Variants in TIAM2 observed in about 807,000 individuals in gnomAD.
TIAM2 encodes the protein TIAM Rac1 associated GEF 2.
TIAM2 carries 80 observed loss-of-function variants against 152.9 expected under a neutral mutation model. The observed-to-expected ratio is 0.52, with a 90% CI of 0.44 to 0.63. TIAM2 has a LOEUF of 0.63. Among genes scored for constraint, TIAM2 ranks in the 30% least tolerant of loss-of-function variants. TIAM2 has a pLI of 0.00. For synonymous variants in TIAM2, 804 were observed against 838.0 expected (o/e 0.96, Z 0.70); for missense variants, 1,965 against 2,120.1 (o/e 0.93, Z 1.44).
At chr6:155,144,936 G>A (rs1278558724) in intron 6 of TIAM2, among the ~76,000 whole-genome samples, 158 bp downstream of exon 6, 1 of 152,210 alleles carries the variant, frequency 6.6e-6, no homozygotes, top group Non-Finnish European at 1.5e-5. Context: ...TGACTGCCAA[G>A]GGCACTGGGC....
intron 1 of TIAM2, among the ~76,000 whole-genome samples, chr6:155,065,102 C>T (rs1233918970): frequency 4.6e-5 from 7 of 152,012 alleles, no homozygotes; most frequent in Non-Finnish European, 7.4e-5. Context: ...TACAGGCACC[C>T]GACACCACGC....
chr6:155,028,377 T>C (rs901688009), intron 1 of TIAM2, among the ~76,000 whole-genome samples: 1 of 123,170 alleles, frequency 8.1e-6, no homozygotes, highest in Non-Finnish European at 1.6e-5. Context: ...ATATATATAC[T>C]GTGTTACATA....
At chr6:155,126,742 A>G (rs956333812) in intron 2 of TIAM2, among the ~76,000 whole-genome samples, 20 of 152,048 alleles carry the variant, frequency 1.3e-4, no homozygotes, top group African/African-American at 4.8e-4. Context: ...AAATAAATAA[A>G]TAAATAAATA....
intron 24 of TIAM2, chr6:155,253,717 G>C (rs751069287): frequency 5.2e-6 from 2 of 381,954 alleles, no homozygotes; most frequent in Non-Finnish European, 9.3e-6. Context: ...CTCTTCCCCA[G>C]AGAGGGGCTC....
At chr6:155,029,295 TATATGTA>T (rs1776737682) in intron 1 of TIAM2, among the ~76,000 whole-genome samples, 2 of 120,228 alleles carry the variant, frequency 1.7e-5, no homozygotes, top group Non-Finnish European at 3.3e-5. Context: ...TTATATATAC[TATATGTA>T]CTATGTGTTA....
intron 7 of TIAM2, 30 bp downstream of exon 7, chr6:155,148,364 C>A (rs1279607959): frequency 6.3e-7 from 1 of 1,589,914 alleles, no homozygotes; most frequent in East Asian, 2.3e-5. Flanking sequence ...GAGTTTTCTT[C>A]CATTGCTCAT....
At chr6:155,171,986 A>G (rs993936373) in intron 9 of TIAM2, among the ~76,000 whole-genome samples, 1 of 152,154 alleles carries the variant, frequency 6.6e-6, no homozygotes, top group Admixed American at 6.5e-5. Flanking sequence ...CAGTGATCCA[A>G]GTAGTAATTA....
chr6:155,227,742 C>T (rs1257728564), intron 15 of TIAM2, among the ~76,000 whole-genome samples: 1 of 152,138 alleles, frequency 6.6e-6, no homozygotes, highest in Non-Finnish European at 1.5e-5. Context: ...TTGGTTACAC[C>T]CCCGTCGACA....
chr6:155,040,949 A>T lies in TIAM2; in HGVS notation c.-209+45457A>T, dbSNP rs1047919996. Reference sequence around the variant, plus strand: ...ATTCTTTGTCATAAGAGAATTTATTATAATGAGGGAGCTGGGTACTTGTAA... The same window carrying T: ...ATTCTTTGTCATAAGAGAATTTATTTTAATGAGGGAGCTGGGTACTTGTAA... On this transcript the variant is annotated intron_variant, in intron 1 of 26. Transcript: ENST00000682666. Among the ~76,000 whole-genome samples the T allele has an allele frequency of 2.0e-5, 3 of 152,332 alleles. No homozygotes were observed. In the South Asian group the frequency reaches 6.2e-4, roughly 32 times the overall value.
At position 155,179,098 on chromosome 6, in the gene TIAM2, TG is replaced by T. The variant is rs745947324; in HGVS notation, c.2584del (p.Val862LeufsTer20). The T allele has an allele frequency of 6.2e-7, 1 of 1,614,130 alleles. No individual in the cohort carries two copies. The highest frequency in any genetic ancestry group is 1.7e-5 in the Admixed American group (1 of 60,024). On this transcript the variant is annotated frameshift_variant, in exon 11 of 27. Coordinates refer to ENST00000682666, the MANE Select transcript of TIAM2 (RefSeq NM_012454.4). LOFTEE classifies it high-confidence loss of function. ...LQLRKLVDDN[V>X]EYCIPAPYEY... ...AGCTTCGAAAATTAGTAGATGACAATGTTGAGTATTGCATCCCTGCACCATA... is the reference window on the plus strand; with the variant it reads ...AGCTTCGAAAATTAGTAGATGACAATTTGAGTATTGCATCCCTGCACCATA...
intron 1 of TIAM2, among the ~76,000 whole-genome samples, chr6:154,996,635 A>G (rs9479998): frequency 0.14 from 21,411 of 152,226 alleles, 1,758 homozygotes; most frequent in African/African-American, 0.23. Context: ...GGTGCGGATC[A>G]TATGCTATAA....
At chr6:155,255,294 C>T (rs1783928066) in intron 26 of TIAM2, 1 of 152,172 alleles carries the variant, frequency 6.6e-6, no homozygotes, top group Admixed American at 6.5e-5. Flanking sequence ...GCCTCTTATA[C>T]TCGTTCTTAA....
chr6:155,057,279 T>G (rs1390627695), intron 1 of TIAM2, among the ~76,000 whole-genome samples: 1 of 151,530 alleles, frequency 6.6e-6, no homozygotes, highest in Non-Finnish European at 1.5e-5. Flanking sequence ...ACTTAAGCGA[T>G]TTGCCCGCCT....
At chr6:155,080,966 G>A (rs1193758258) in intron 1 of TIAM2, among the ~76,000 whole-genome samples, 1 of 152,142 alleles carries the variant, frequency 6.6e-6, no homozygotes, top group Non-Finnish European at 1.5e-5. Context: ...GGAGAGGTCT[G>A]TAGCACTCAC....
rs569425766 is a variant in TIAM2 at position 155,081,424 on chromosome 6, A to C, written c.-208-8865A>C. The stretch of plus-strand genomic sequence containing the variant: ...TCTTCTGAAAAAAAAAAAAAGCCAC[A>C]ATGTATTTTTCCCATAACATGCCAC... On this transcript the variant is annotated intron_variant, in intron 1 of 26. Coordinates refer to ENST00000682666, the MANE Select transcript of TIAM2 (RefSeq NM_012454.4). Among the ~76,000 whole-genome samples the C allele has an allele frequency of 2.6e-5, 4 of 151,880 alleles. No individual in the cohort carries two copies. In the South Asian group the frequency reaches 8.3e-4, roughly 32 times the overall value.
chr6:155,110,407 G>A (rs566213018), intron 2 of TIAM2, among the ~76,000 whole-genome samples: 30 of 145,380 alleles, frequency 2.1e-4, no homozygotes, highest in Admixed American at 1.9e-3. Flanking sequence ...TGGTTTACCT[G>A]TCTGTTTAAA....
At chr6:155,029,543 A>AG (rs1776771817) in intron 1 of TIAM2, among the ~76,000 whole-genome samples, 1 of 41,002 alleles carries the variant, frequency 2.4e-5, no homozygotes, top group African/African-American at 9.6e-5. Flanking sequence ...AATAATATAT[A>AG]TTATGTAGTA....
rs962274460 is a variant in TIAM2 at position 155,218,874 on chromosome 6, G to A, written c.3168+7567G>A. 1.4e-5 allele frequency among the ~76,000 whole-genome samples: 2 copies of A among 147,798 alleles called. No homozygotes were observed. The highest frequency in any genetic ancestry group is 6.7e-5 in the Admixed American group (1 of 14,848). On this transcript the variant is annotated intron_variant, in intron 15 of 26. Transcript: ENST00000682666. This position sits in a 1 kb window ranked among gnomAD's most constrained non-coding sequence, Gnocchi z 4.5. Reference sequence around the variant, plus strand: ...TCGACCATCTCAGCCGCCCACCCGTGTTCTTGACCATCTCAGCCGCCCACC... The same window carrying A: ...TCGACCATCTCAGCCGCCCACCCGTATTCTTGACCATCTCAGCCGCCCACC...
At chr6:155,239,269 G>T (rs1040211146) in intron 15 of TIAM2, among the ~76,000 whole-genome samples, 1 of 152,200 alleles carries the variant, frequency 6.6e-6, no homozygotes, top group Admixed American at 6.5e-5. Flanking sequence ...GGCTGTTAAT[G>T]GATGCCAGTC....
Sources: gnomAD v4.1 joint callset for allele counts (sites outside exome capture counted in the v4.1 genomes callset) on GRCh38, gnomAD v4.1.1 for gene constraint, Gnocchi (gnomAD v3.1) non-coding constraint, MANE v1.5 for transcripts, NCBI Gene and HGNC (gene_info 2026-07-23, HGNC 2026-07-21) for gene names.